TIAM1: variants seen among roughly 807,000 people sequenced by gnomAD.
The protein encoded by TIAM1 is TIAM Rac1 associated GEF 1, also known as rho guanine nucleotide exchange factor TIAM1.
Under a neutral mutation model 163.5 loss-of-function variants are expected in TIAM1, and 65 were observed. That is an observed-to-expected ratio of 0.40 (90% CI 0.33 to 0.49). The LOEUF is 0.49. TIAM1 is among the 20% of genes least tolerant of loss of function. TIAM1 has a pLI of 0.77. For synonymous variants in TIAM1, 833 were observed against 810.1 expected, an observed-to-expected ratio of 1.03 and a Z score of -0.48; for missense variants, 1,789 against 2,044.7, an observed-to-expected ratio of 0.87 and a Z score of 2.41.
intron 2 of TIAM1, among the ~76,000 whole-genome samples, chr21:31,358,955 C>T (rs1464526806): frequency 6.6e-6 from 1 of 152,198 alleles, no homozygotes; most frequent in African/African-American, 2.4e-5. Flanking sequence ...GCTGCTTCTC[C>T]CCTTGTTCAT....
intron 2 of TIAM1, among the ~76,000 whole-genome samples, chr21:31,421,439 A>C (rs1237872081): frequency 6.6e-6 from 1 of 152,186 alleles, no homozygotes; most frequent in Non-Finnish European, 1.5e-5. Flanking sequence ...GGCAGTGGGC[A>C]AGCGGGTGAG....
intron 1 of TIAM1, among the ~76,000 whole-genome samples, chr21:31,549,768 C>T (rs553732515): frequency 1.3e-3 from 204 of 152,256 alleles, no homozygotes; most frequent in Non-Finnish European, 1.9e-3. Context: ...TTCCTCAATA[C>T]GTTAAACATA....
chr21:31,520,721 T>G (rs528320589), intron 1 of TIAM1, among the ~76,000 whole-genome samples: 1 of 152,198 alleles, frequency 6.6e-6, no homozygotes, highest in African/African-American at 2.4e-5. Flanking sequence ...ACAAAGCCAG[T>G]CAAAAGCACT....
At chr21:31,502,300 C>T (rs2046875022) in intron 1 of TIAM1, among the ~76,000 whole-genome samples, 1 of 152,176 alleles carries the variant, frequency 6.6e-6, no homozygotes, top group Non-Finnish European at 1.5e-5. Flanking sequence ...GAGACAGGGT[C>T]TCGCTCTGTC....
At chr21:31,263,248 G>A (rs1167804749) in intron 4 of TIAM1, among the ~76,000 whole-genome samples, 1 of 152,202 alleles carries the variant, frequency 6.6e-6, no homozygotes, top group Non-Finnish European at 1.5e-5. Flanking sequence ...CAATGGCCCT[G>A]TGGGAGGCTG....
intron 1 of TIAM1, among the ~76,000 whole-genome samples, chr21:31,495,686 G>A (rs892491002): frequency 1.3e-5 from 2 of 152,184 alleles, no homozygotes; most frequent in South Asian, 4.1e-4. Flanking sequence ...TATTACAATG[G>A]AGGCCAGGCG....
At chr21:31,160,083 GCACGTAACACAAAA>G (rs1472130889) in intron 16 of TIAM1, among the ~76,000 whole-genome samples, 4 of 152,150 alleles carry the variant, frequency 2.6e-5, no homozygotes, top group Non-Finnish European at 5.9e-5. Flanking sequence ...TTCTCACCAT[GCACGTAACACAAAA>G]CACAATCAAA....
At chr21:31,504,414 A>G (rs1030029144) in intron 1 of TIAM1, among the ~76,000 whole-genome samples, 18 of 152,326 alleles carry the variant, frequency 1.2e-4, no homozygotes, top group African/African-American at 4.3e-4. Flanking sequence ...AAGAAGGTAC[A>G]ACAAGTTCGC....
intron 16 of TIAM1, chr21:31,160,708 C>G: frequency 2.6e-6 from 1 of 389,912 alleles, no homozygotes; most frequent in Non-Finnish European, 4.5e-6. Context: ...CACGTCTCAA[C>G]GCAGCAAGGA....
In TIAM1 at chr21:31,197,191, C is replaced by T. The variant is rs544455743; in HGVS notation, c.2494-1886G>A. Among the ~76,000 whole-genome samples, 13 of 152,048 alleles carry T rather than the reference C, an allele frequency of 8.5e-5. No individual in the cohort carries two copies. The South Asian group carries it at 2.7e-3, about 32-fold the overall frequency. On this transcript the variant is annotated intron_variant, in intron 12 of 27. Transcript: ENST00000541036. The stretch of plus-strand genomic sequence containing the variant: ...CAGTACCCTAAACCTCAGCATCATG[C>T]GATATACTCAGGTAACAAACCTGCA...
At chr21:31,439,047 T>TTC (rs1438457079) in intron 2 of TIAM1, among the ~76,000 whole-genome samples, 9 of 152,170 alleles carry the variant, frequency 5.9e-5, no homozygotes, top group African/African-American at 2.2e-4. Flanking sequence ...CTATAATCAC[T>TTC]AGGTAGCGAT....
intron 2 of TIAM1, among the ~76,000 whole-genome samples, chr21:31,432,249 T>C (rs983815032): frequency 5.3e-5 from 8 of 151,990 alleles, no homozygotes; most frequent in African/African-American, 1.9e-4. Context: ...TACAGGCACA[T>C]GCCACCATGC....
intron 1 of TIAM1, among the ~76,000 whole-genome samples, chr21:31,476,384 A>G (rs2045936158): frequency 6.6e-6 from 1 of 152,232 alleles, no homozygotes; most frequent in Non-Finnish European, 1.5e-5. Flanking sequence ...CGGAAGGAAG[A>G]GAAACGATTA....
chr21:31,278,230 C>T (rs993900376), intron 2 of TIAM1, among the ~76,000 whole-genome samples: 1 of 152,106 alleles, frequency 6.6e-6, no homozygotes, highest in Non-Finnish European at 1.5e-5. Context: ...CGTTTTCTTA[C>T]GAAGGCAAAC....
chr21:31,553,229 C>T (rs1243630396), intron 1 of TIAM1, among the ~76,000 whole-genome samples: 1 of 152,144 alleles, frequency 6.6e-6, no homozygotes, highest in Admixed American at 6.6e-5. Context: ...TGGGGTACCC[C>T]ACGGAGCTTG....
chr21:31,153,596 C>T (rs2083477207), intron 17 of TIAM1, among the ~76,000 whole-genome samples: 1 of 152,178 alleles, frequency 6.6e-6, no homozygotes, highest in African/African-American at 2.4e-5. Context: ...CAAGTGATAA[C>T]ACAAAGACAA....
At chr21:31,198,657 T>C (rs931723927) in intron 12 of TIAM1, among the ~76,000 whole-genome samples, 1 of 152,240 alleles carries the variant, frequency 6.6e-6, no homozygotes, top group Non-Finnish European at 1.5e-5. Flanking sequence ...TTTAAAACTT[T>C]AAGAGCCAAA....
chr21:31,242,487 T>C (rs1180648119), intron 6 of TIAM1, among the ~76,000 whole-genome samples: 2 of 152,192 alleles, frequency 1.3e-5, no homozygotes, highest in East Asian at 3.9e-4. Context: ...AGTGCACTAC[T>C]GACCCTACAG....
At chr21:31,413,580 A>G (rs1171487787) in intron 2 of TIAM1, among the ~76,000 whole-genome samples, 5 of 151,990 alleles carry the variant, frequency 3.3e-5, no homozygotes, top group Non-Finnish European at 4.4e-5. Flanking sequence ...CTCTTTCTGC[A>G]TATTTCATTG....
Sources: gnomAD v4.1 joint callset for allele counts (sites outside exome capture counted in the v4.1 genomes callset) on GRCh38, gnomAD v4.1.1 for gene constraint, MANE v1.5 for transcripts, NCBI Gene and HGNC (gene_info 2026-07-23, HGNC 2026-07-21) for gene names.